GPC5: variants seen among roughly 807,000 people sequenced by gnomAD.
GPC5 encodes the protein glypican 5.
Under a neutral mutation model 53.9 loss-of-function variants are expected in GPC5, and 47 were observed. That is an observed-to-expected ratio of 0.87 (90% confidence interval 0.69 to 1.11). The LOEUF (loss-of-function observed/expected upper bound fraction) is 1.11, where lower values mean the gene tolerates loss of function less well. GPC5 is among the 50% of genes most tolerant of loss of function. The pLI, the probability that GPC5 is intolerant of heterozygous loss-of-function variation, is 0.00. For synonymous variants in GPC5, 286 were observed against 263.3 expected, an observed-to-expected ratio of 1.09 and a Z score of -0.84; for missense variants, 748 against 713.1, an observed-to-expected ratio of 1.05 and a Z score of -0.56.
At chr13:92,452,136 G>T (rs1185352088) in intron 7 of GPC5, among the ~76,000 whole-genome samples, 1 of 152,064 alleles carries the variant, frequency 6.6e-6, no homozygotes, top group Non-Finnish European at 1.5e-5. Context: ...GTTACTATAG[G>T]ACTTTATTTT....
rs146035418 is a variant in GPC5 at position 92,420,838 on chromosome 13, C to A, written c.1561+275849C>A. Reference sequence around the variant, plus strand: ...TGACAGGATTTCATTCCTTTTATGGCTGAATAGCACTCCATTGTATATATG... The same window carrying A: ...TGACAGGATTTCATTCCTTTTATGGATGAATAGCACTCCATTGTATATATG... On this transcript the variant is annotated intron_variant, in intron 7 of 7. Transcript: ENST00000377067. Among the ~76,000 whole-genome samples the A allele has an allele frequency of 4.9e-4, 75 of 152,314 alleles. 1 individual carries two copies. In the East Asian group the frequency reaches 0.014, roughly 28 times the overall value.
intron 7 of GPC5, among the ~76,000 whole-genome samples, chr13:92,804,575 A>G (rs1252203631): frequency 6.6e-6 from 1 of 152,048 alleles, no homozygotes; most frequent in East Asian, 1.9e-4. Context: ...GGAGTCATCA[A>G]CTTGTTGCTG....
intron 7 of GPC5, among the ~76,000 whole-genome samples, chr13:92,329,240 T>C (rs2043272465): frequency 6.6e-6 from 1 of 152,162 alleles, no homozygotes. Context: ...ACAGGAAGCA[T>C]GGCATCCGCA....
intron 7 of GPC5, among the ~76,000 whole-genome samples, chr13:92,341,882 A>C (rs1303717899): frequency 6.6e-6 from 1 of 152,142 alleles, no homozygotes; most frequent in Non-Finnish European, 1.5e-5. Flanking sequence ...AAAAATGTCA[A>C]ATGTAAGGAC....
intron 2 of GPC5, among the ~76,000 whole-genome samples, chr13:91,631,646 C>G (rs1401834262): frequency 6.6e-6 from 1 of 152,000 alleles, no homozygotes; most frequent in Admixed American, 6.6e-5. Context: ...GGCTTTATCT[C>G]CCTTTCTTTG....
chr13:92,626,638 T>C (rs933858385), intron 7 of GPC5, among the ~76,000 whole-genome samples: 1 of 152,146 alleles, frequency 6.6e-6, no homozygotes, highest in Non-Finnish European at 1.5e-5. Context: ...TTGCAAGGGA[T>C]GCTAATTTAA....
intron 7 of GPC5, among the ~76,000 whole-genome samples, chr13:92,493,597 C>T (rs1175565499): frequency 6.6e-6 from 1 of 152,190 alleles, no homozygotes; most frequent in African/African-American, 2.4e-5. Flanking sequence ...AATCCTCAGT[C>T]TCAAGGTCTG....
intron 7 of GPC5, among the ~76,000 whole-genome samples, chr13:92,751,334 A>AAAAAAAAAAAAAAAAAT (rs1889393079): frequency 6.9e-6 from 1 of 145,720 alleles, no homozygotes; most frequent in Non-Finnish European, 1.5e-5. Flanking sequence ...AAAAAAAAAA[A>AAAAAAAAAAAAAAAAAT]ACCTTCCAAC....
chr13:92,822,065 T>C (rs1324576970), intron 7 of GPC5, among the ~76,000 whole-genome samples: 1 of 152,166 alleles, frequency 6.6e-6, no homozygotes, highest in Non-Finnish European at 1.5e-5. Flanking sequence ...AAGCACTGTA[T>C]GAGTTTGGAC....
intron 5 of GPC5, among the ~76,000 whole-genome samples, chr13:91,817,820 T>C (rs1285695349): frequency 2.6e-5 from 4 of 152,204 alleles, no homozygotes; most frequent in East Asian, 1.9e-4. Context: ...ACATATCTTA[T>C]GTGATAAAGA....
At chr13:91,559,548 G>T (rs953612651) in intron 2 of GPC5, among the ~76,000 whole-genome samples, 5 of 152,154 alleles carry the variant, frequency 3.3e-5, no homozygotes, top group Admixed American at 3.3e-4. Flanking sequence ...ATTTTTGTTT[G>T]AAAGTTAGGT....
chr13:91,982,404 C>G (rs1404363737), intron 6 of GPC5, among the ~76,000 whole-genome samples: 2 of 151,302 alleles, frequency 1.3e-5, no homozygotes, highest in African/African-American at 4.9e-5. Context: ...GATGTAACAT[C>G]TATACCACAG....
rs541438928 is a variant in GPC5 at position 91,430,464 on chromosome 13, G to T, written c.164-18297G>T. ...TGAAGAGAAGTTTTCTGGGACTTCT[G>T]AGAGAAGTTTTTCTTCCTCTGTAAA... On this transcript the variant is annotated intron_variant, in intron 1 of 7. Transcript: ENST00000377067. Among the ~76,000 whole-genome samples the T allele has an allele frequency of 5.3e-5, 8 of 152,286 alleles. 1 individual carries two copies. The South Asian group carries it at 1.7e-3, about 32-fold the overall frequency.
intron 6 of GPC5, among the ~76,000 whole-genome samples, chr13:92,089,305 G>A (rs2041359943): frequency 6.6e-6 from 1 of 151,498 alleles, no homozygotes; most frequent in Non-Finnish European, 1.5e-5. Flanking sequence ...ATTGTGGCGG[G>A]CGGCTGTAGT....
In GPC5 at chr13:92,147,195, A is replaced by AT. The variant is rs552489833; in HGVS notation, c.1561+2216dup. 3.4e-3 allele frequency among the ~76,000 whole-genome samples: 509 copies of AT among 150,098 alleles called. 1 individual carries two copies. Among genetic ancestry groups the AT allele is most frequent in the Non-Finnish European group, 5.1e-3 (341 of 67,278 alleles). On this transcript the variant is annotated intron_variant, in intron 7 of 7. Transcript: ENST00000377067. ...TGAAAAAGGGTTTTCACTAGAAACAATTTTTTTTTTACTAAAAGCTAAAAT... is the reference window on the plus strand; with the variant it reads ...TGAAAAAGGGTTTTCACTAGAAACAATTTTTTTTTTTACTAAAAGCTAAAAT...
intron 2 of GPC5, among the ~76,000 whole-genome samples, chr13:91,484,994 A>G (rs1883510442): frequency 6.6e-6 from 1 of 152,244 alleles, no homozygotes; most frequent in Non-Finnish European, 1.5e-5. Flanking sequence ...TAAGATGTGT[A>G]TGATCTGAGA....
intron 7 of GPC5, among the ~76,000 whole-genome samples, chr13:92,843,809 A>G (rs1188317291): frequency 6.6e-6 from 1 of 152,150 alleles, no homozygotes; most frequent in Non-Finnish European, 1.5e-5. Flanking sequence ...AAAATTACAC[A>G]GCTGATGTAA....
chr13:91,926,702 A>G (rs1305500623), intron 6 of GPC5, among the ~76,000 whole-genome samples: 3 of 152,346 alleles, frequency 2.0e-5, no homozygotes, highest in Middle Eastern at 3.4e-3. Context: ...GTGGGGAATT[A>G]TATCTGTCCC....
intron 6 of GPC5, among the ~76,000 whole-genome samples, chr13:91,934,436 C>T (rs1286649536): frequency 1.3e-5 from 2 of 151,824 alleles, no homozygotes; most frequent in African/African-American, 4.8e-5. Flanking sequence ...GAGAGTAATA[C>T]TTGCTTTTAA....
Sources: allele counts gnomAD v4.1 joint callset (sites outside exome capture counted in the v4.1 genomes callset), GRCh38; gene constraint gnomAD v4.1.1; transcripts MANE v1.5; gene names NCBI Gene and HGNC (gene_info 2026-07-23, HGNC 2026-07-21).